The following INPP5A variants were observed in gnomAD, a reference collection of about 807,000 sequenced individuals.
INPP5A encodes inositol polyphosphate-5-phosphatase A.
Under a neutral mutation model 65.2 loss-of-function variants are expected in INPP5A, and 14 were observed. The observed-to-expected ratio is 0.21, with a 90% CI of 0.14 to 0.34. INPP5A has a LOEUF of 0.34. INPP5A is among the 10% of genes least tolerant of loss of function. The pLI, the probability that INPP5A is intolerant of heterozygous loss-of-function variation, is 1.00. For missense variants in INPP5A, 431 were observed against 545.6 expected (o/e 0.79, Z 2.09); for synonymous variants, 207 against 208.3 (o/e 0.99, Z 0.05).
intron 8 of INPP5A, among the ~76,000 whole-genome samples, chr10:132,721,994 G>A (rs1253107161): frequency 6.6e-6 from 1 of 151,562 alleles, no homozygotes; most frequent in Non-Finnish European, 1.5e-5. Context: ...GTTTATTTTG[G>A]GGGGATGAGT....
intron 1 of INPP5A, among the ~76,000 whole-genome samples, chr10:132,544,367 G>A (rs1017832214): frequency 2.0e-5 from 3 of 152,220 alleles, no homozygotes; most frequent in Non-Finnish European, 4.4e-5. Context: ...AGAGGATGGG[G>A]GCGGCCTGTG....
At chr10:132,748,806 A>G (rs1241554805) in intron 9 of INPP5A, among the ~76,000 whole-genome samples, 1 of 152,136 alleles carries the variant, frequency 6.6e-6, no homozygotes, top group African/African-American at 2.4e-5. Context: ...GTGAGCATCC[A>G]CAGGCACCAG....
rs536510630 is a variant in INPP5A at position 132,699,036 on chromosome 10, G to A, written c.474+1117G>A. 4.6e-5 allele frequency among the ~76,000 whole-genome samples: 7 copies of A among 152,318 alleles called. No homozygotes were observed. The East Asian group carries it at 1.2e-3, about 25-fold the overall frequency. ...GCCTCCTGTCCTCGGTCCTGCTTCC[G>A]GCACCGCCCGTTTGCCTCCCTCCGC... On this transcript the variant is annotated intron_variant, in intron 6 of 15. Coordinates refer to ENST00000368594, the MANE Select transcript of INPP5A (RefSeq NM_005539.5).
chr10:132,542,566 C>T (rs553243207), intron 1 of INPP5A, among the ~76,000 whole-genome samples: 3 of 151,578 alleles, frequency 2.0e-5, no homozygotes, highest in Admixed American at 1.3e-4. Context: ...GACTCTCTAC[C>T]GTGGCAGCCC....
chr10:132,656,207 A>G (rs777667892), intron 4 of INPP5A, among the ~76,000 whole-genome samples: 19 of 152,118 alleles, frequency 1.2e-4, no homozygotes, highest in Non-Finnish European at 2.1e-4. Flanking sequence ...CAGCTCCTTC[A>G]TCCACCCACC....
intron 4 of INPP5A, among the ~76,000 whole-genome samples, chr10:132,686,223 C>A (rs562058269): frequency 2.0e-5 from 3 of 152,214 alleles, no homozygotes; most frequent in African/African-American, 7.2e-5. Context: ...CAGTGGAGGC[C>A]GCTTCCCGGC....
intron 9 of INPP5A, among the ~76,000 whole-genome samples, chr10:132,736,526 C>T (rs1248271601): frequency 1.3e-5 from 2 of 152,202 alleles, no homozygotes; most frequent in East Asian, 1.9e-4. Context: ...CGCAAGGAGA[C>T]ACCCCGAGAG....
chr10:132,771,993 GA>G (rs1230109676), intron 12 of INPP5A, among the ~76,000 whole-genome samples: 59 of 966 alleles, frequency 0.061, 26 homozygotes, highest in South Asian at 0.14. Flanking sequence ...GAGTGGGACA[GA>G]CACTCAGCAC....
intron 11 of INPP5A, among the ~76,000 whole-genome samples, chr10:132,755,047 ATGTG>A (rs1378202299): frequency 6.7e-6 from 1 of 149,876 alleles, no homozygotes; most frequent in African/African-American, 2.5e-5. Context: ...GATCGTATGC[ATGTG>A]TGTGATCATA....
Position 132,549,228 on chromosome 10 carries a change from G to A in INPP5A, c.75+11057G>A, listed in dbSNP as rs770564751. Among the ~76,000 whole-genome samples, 3 of 152,002 alleles carry A rather than the reference G, an allele frequency of 2.0e-5. No homozygotes were observed. The highest frequency in any genetic ancestry group is 4.4e-5 in the Non-Finnish European group (3 of 67,994). On this transcript the variant is annotated intron_variant, in intron 1 of 15. Coordinates refer to ENST00000368594, the MANE Select transcript of INPP5A (RefSeq NM_005539.5). This position sits in a 1 kb window ranked among gnomAD's most constrained non-coding sequence, Gnocchi z 4.9. Reference sequence around the variant, plus strand: ...TGAATATGCACGTGCCTGTGTGGACGAGGGTGTCACTGCTCTAGGGCTGGC... The same window carrying A: ...TGAATATGCACGTGCCTGTGTGGACAAGGGTGTCACTGCTCTAGGGCTGGC...
intron 8 of INPP5A, among the ~76,000 whole-genome samples, chr10:132,715,237 CTT>C (rs1491524453): frequency 2.0e-5 from 3 of 152,326 alleles, no homozygotes; most frequent in Admixed American, 1.3e-4. Context: ...TGACGGGACT[CTT>C]TGTCTCCCCT....
At chr10:132,583,668 T>C (rs913837327) in intron 1 of INPP5A, among the ~76,000 whole-genome samples, 1 of 152,266 alleles carries the variant, frequency 6.6e-6, no homozygotes, top group African/African-American at 2.4e-5. Context: ...CTGTATGTGC[T>C]AACGTGACCC....
At chr10:132,681,978 C>G (rs1340703726) in intron 4 of INPP5A, among the ~76,000 whole-genome samples, 1 of 152,168 alleles carries the variant, frequency 6.6e-6, no homozygotes. Context: ...ATGAGGTACT[C>G]GGATTAGTCA....
chr10:132,657,121 C>G (rs1054243848), intron 4 of INPP5A, among the ~76,000 whole-genome samples: 1 of 152,230 alleles, frequency 6.6e-6, no homozygotes, highest in Non-Finnish European at 1.5e-5. Context: ...GCCCCATGCA[C>G]TTGCTAAGCT....
intron 9 of INPP5A, among the ~76,000 whole-genome samples, chr10:132,728,739 T>C (rs1182455440): frequency 1.3e-5 from 2 of 152,224 alleles, no homozygotes; most frequent in Non-Finnish European, 2.9e-5. Context: ...AAGGGCCTTT[T>C]CCTTCTGGTA....
intron 11 of INPP5A, among the ~76,000 whole-genome samples, chr10:132,756,131 C>T (rs1456126124): frequency 1.3e-5 from 2 of 152,136 alleles, no homozygotes; most frequent in Non-Finnish European, 2.9e-5. Flanking sequence ...TGGAATTCCT[C>T]GGCCCGGTCA....
At chr10:132,757,316 C>T (rs1349635886) in intron 11 of INPP5A, among the ~76,000 whole-genome samples, 1 of 152,266 alleles carries the variant, frequency 6.6e-6, no homozygotes, top group Non-Finnish European at 1.5e-5. Flanking sequence ...CCCAGCCCTG[C>T]CAGCTCCCTT....
intron 12 of INPP5A, among the ~76,000 whole-genome samples, chr10:132,771,074 G>A (rs574638478): frequency 5.3e-5 from 8 of 152,346 alleles, no homozygotes; most frequent in Admixed American, 2.0e-4. Context: ...GTTAGCCACC[G>A]AGGTCTAAGT....
chr10:132,680,180 G>C (rs2073023721), intron 4 of INPP5A, among the ~76,000 whole-genome samples: 2 of 152,140 alleles, frequency 1.3e-5, no homozygotes, highest in African/African-American at 4.8e-5. Context: ...TGGAATGGGA[G>C]AAAATATTTG....
Sources: allele counts gnomAD v4.1 joint callset (sites outside exome capture counted in the v4.1 genomes callset), GRCh38; gene constraint gnomAD v4.1.1; non-coding constraint Gnocchi (gnomAD v3.1); transcripts MANE v1.5; gene names NCBI Gene and HGNC (gene_info 2026-07-23, HGNC 2026-07-21).